Variants in OCA2 observed in about 807,000 individuals in gnomAD.
The protein encoded by OCA2 is OCA2 melanosomal transmembrane protein.
A neutral mutation model predicts 100.2 loss-of-function variants in OCA2; 77 were observed. That is an observed-to-expected ratio of 0.77 (90% CI 0.64 to 0.93). OCA2 has a LOEUF of 0.93. Ranked by LOEUF, OCA2 falls within the 40% of genes least tolerant of loss-of-function variation. The pLI, the probability that OCA2 is intolerant of heterozygous loss-of-function variation, is 0.00. For missense variants in OCA2, 1,062 were observed against 1,089.1 expected, an observed-to-expected ratio of 0.98 and a Z score of 0.35; for synonymous variants, 432 against 439.2, an observed-to-expected ratio of 0.98 and a Z score of 0.21.
At chr15:27,858,737 G>C (rs2036029566) in intron 21 of OCA2, among the ~76,000 whole-genome samples, 1 of 152,042 alleles carries the variant, frequency 6.6e-6, no homozygotes, top group East Asian at 1.9e-4. Flanking sequence ...AGGAGAAATA[G>C]ATATTTCTAC....
chr15:28,050,882 C>T lies in OCA2; in HGVS notation c.228-18719G>A, dbSNP rs184521739. On this transcript the variant is annotated intron_variant, in intron 2 of 23. Transcript: ENST00000354638. ...CTCATGCCACTAGGGAAAATGAAAC[C>T]GGTTCCATCCCCATCTCACCCATCC... is the stretch of plus-strand genomic sequence containing the variant. Among the ~76,000 whole-genome samples, 7 of 152,210 alleles carry T rather than the reference C, an allele frequency of 4.6e-5. No homozygotes were observed. The East Asian group carries it at 7.7e-4, about 17-fold the overall frequency.
intron 23 of OCA2, among the ~76,000 whole-genome samples, chr15:27,770,124 C>T (rs976479264): frequency 3.9e-5 from 6 of 152,232 alleles, no homozygotes; most frequent in South Asian, 2.1e-4. Context: ...AATACAATAT[C>T]CCAACTCGGT....
At chr15:27,856,073 C>T (rs548808903) in intron 21 of OCA2, among the ~76,000 whole-genome samples, 8 of 152,270 alleles carry the variant, frequency 5.3e-5, no homozygotes, top group Non-Finnish European at 1.0e-4. Context: ...CTGGTGTCTG[C>T]GGCAATCCTG....
At chr15:28,012,154 T>C (rs1002924276) in intron 9 of OCA2, among the ~76,000 whole-genome samples, 7 of 152,132 alleles carry the variant, frequency 4.6e-5, no homozygotes, top group Non-Finnish European at 7.4e-5. Context: ...CTGAAGAAGA[T>C]AGACAGGTGG....
At chr15:27,809,461 C>T (rs768787033) in intron 23 of OCA2, among the ~76,000 whole-genome samples, 1 of 152,160 alleles carries the variant, frequency 6.6e-6, no homozygotes, top group Admixed American at 6.5e-5. Context: ...AGAACTGGAG[C>T]AAGACAAGGA....
At chr15:27,749,396 C>T in the OCA2 span, among the ~76,000 whole-genome samples, 25 of 152,168 alleles carry the variant, frequency 1.6e-4, no homozygotes, top group African/African-American at 5.5e-4. Flanking sequence ...TGAAATGAAA[C>T]TCTTCTAGAA....
chr15:27,852,284 C>T, intron 21 of OCA2, among the ~76,000 whole-genome samples: 1 of 152,140 alleles, frequency 6.6e-6, no homozygotes, highest in East Asian at 1.9e-4. Flanking sequence ...ATATGGCTAG[C>T]CAGTTTTCCC....
chr15:27,789,222 G>C (rs1435812660), intron 23 of OCA2, among the ~76,000 whole-genome samples: 1 of 83,620 alleles, frequency 1.2e-5, no homozygotes, highest in East Asian at 4.5e-4. Context: ...CGGGGGGAGG[G>C]TTGGATTCAA....
chr15:27,858,144 TCTCCTGTTCA>T (rs1384243159), intron 21 of OCA2, among the ~76,000 whole-genome samples: 1 of 152,032 alleles, frequency 6.6e-6, no homozygotes, highest in Non-Finnish European at 1.5e-5. Context: ...TGGATTAAAC[TCTCCTGTTCA>T]CCTGAGGTCA....
At chr15:27,927,517 C>T (rs1239194742) in intron 18 of OCA2, among the ~76,000 whole-genome samples, 1 of 152,114 alleles carries the variant, frequency 6.6e-6, no homozygotes, top group Non-Finnish European at 1.5e-5. Flanking sequence ...TGGCTAAATA[C>T]CTAGGAATGA....
chr15:27,880,437 C>T (rs1201090393), intron 19 of OCA2, among the ~76,000 whole-genome samples: 5 of 151,826 alleles, frequency 3.3e-5, no homozygotes, highest in Admixed American at 2.6e-4. Flanking sequence ...CTATAAATTA[C>T]TTTGGACAGT....
At chr15:27,811,471 A>G (rs1405396865) in intron 23 of OCA2, among the ~76,000 whole-genome samples, 4 of 152,220 alleles carry the variant, frequency 2.6e-5, no homozygotes, top group African/African-American at 4.8e-5. Flanking sequence ...TATATAATTC[A>G]TCCATGTACC....
intron 9 of OCA2, among the ~76,000 whole-genome samples, chr15:27,994,293 G>A (rs1184552769): frequency 6.6e-6 from 1 of 152,168 alleles, no homozygotes; most frequent in Non-Finnish European, 1.5e-5. Context: ...AATGCCCGAT[G>A]ATCTGAGGTG....
chr15:27,972,537 C>T (rs2040825576), intron 14 of OCA2, among the ~76,000 whole-genome samples: 1 of 152,104 alleles, frequency 6.6e-6, no homozygotes, highest in African/African-American at 2.4e-5. Flanking sequence ...TTAATAATGG[C>T]CATAATGGCC....
chr15:27,722,215 G>A, the OCA2 span, among the ~76,000 whole-genome samples: 3 of 152,328 alleles, frequency 2.0e-5, no homozygotes, highest in East Asian at 1.9e-4. Context: ...AGACCGGGTC[G>A]TGTATTCTAT....
chr15:27,920,826 A>C (rs543020102), intron 19 of OCA2, among the ~76,000 whole-genome samples: 1 of 152,214 alleles, frequency 6.6e-6, no homozygotes, highest in East Asian at 1.9e-4. Flanking sequence ...AATTGAGATG[A>C]CATAAAAATT....
chr15:27,999,313 C>T (rs867805231), intron 9 of OCA2, among the ~76,000 whole-genome samples: 9 of 152,190 alleles, frequency 5.9e-5, no homozygotes, highest in South Asian at 4.2e-4. Context: ...GTTCAACATA[C>T]GCAAATCAAT....
chr15:27,872,759 G>A (rs2036633633), intron 19 of OCA2, among the ~76,000 whole-genome samples: 1 of 150,164 alleles, frequency 6.7e-6, no homozygotes, highest in South Asian at 2.1e-4. Flanking sequence ...GCACGATCTC[G>A]GTTCACTGCA....
At chr15:27,877,987 T>C (rs1463839183) in intron 19 of OCA2, among the ~76,000 whole-genome samples, 1 of 150,366 alleles carries the variant, frequency 6.7e-6, no homozygotes, top group Non-Finnish European at 1.5e-5. Flanking sequence ...ATATTATTAT[T>C]AAGTATTAAA....
Sources: allele counts gnomAD v4.1 joint callset (sites outside exome capture counted in the v4.1 genomes callset), GRCh38; gene constraint gnomAD v4.1.1; transcripts MANE v1.5; gene names NCBI Gene and HGNC (gene_info 2026-07-23, HGNC 2026-07-21).